The following L3MBTL4 variants were observed in gnomAD, a reference collection of about 807,000 sequenced individuals.
The protein encoded by L3MBTL4 is L3MBTL histone methyl-lysine binding protein 4, also known as lethal(3)malignant brain tumor-like protein 4.
A neutral mutation model predicts 84.5 loss-of-function variants in L3MBTL4; 70 were observed. That is an observed-to-expected ratio of 0.83 (90% CI 0.68 to 1.01). The LOEUF is 1.01. L3MBTL4 is among the 50% of genes least tolerant of loss of function. The pLI is 0.00. For missense variants in L3MBTL4, 715 were observed against 754.8 expected (o/e 0.95, Z 0.62); for synonymous variants, 274 against 259.8 (o/e 1.05, Z -0.52).
At chr18:5,961,770 C>T (rs2095264654) in intron 17 of L3MBTL4, among the ~76,000 whole-genome samples, 2 of 152,080 alleles carry the variant, frequency 1.3e-5, no homozygotes, top group African/African-American at 4.8e-5. Context: ...GTTTGTTGGG[C>T]TAATACAGTT....
At chr18:6,339,145 C>T (rs748108852) in intron 1 of L3MBTL4, among the ~76,000 whole-genome samples, 12 of 152,108 alleles carry the variant, frequency 7.9e-5, no homozygotes, top group South Asian at 4.2e-4. Flanking sequence ...CCACATGATG[C>T]GGTTCACAAG....
chr18:6,272,210 A>G (rs1298311775), intron 4 of L3MBTL4, among the ~76,000 whole-genome samples: 1 of 152,164 alleles, frequency 6.6e-6, no homozygotes, highest in Non-Finnish European at 1.5e-5. Context: ...AGCATTGGGA[A>G]CACAGGTAGG....
rs555013259 is a variant in L3MBTL4, at chr18:6,056,017, C to T, written c.1444+24864G>A. Among the ~76,000 whole-genome samples the T allele has an allele frequency of 2.8e-4, 43 of 152,154 alleles. No homozygotes were observed. The South Asian group carries it at 4.0e-3, about 14-fold the overall frequency. On this transcript the variant is annotated intron_variant, in intron 16 of 18. Transcript: ENST00000317931. ...TTGCACTGGTCAGCCAGGCGGAAAACGCCTCAGTGTTTCGGGGGGAGTGGT... is the reference window on the plus strand; with the variant it reads ...TTGCACTGGTCAGCCAGGCGGAAAATGCCTCAGTGTTTCGGGGGGAGTGGT...
At chr18:6,331,191 G>GT (rs58046163) in intron 1 of L3MBTL4, among the ~76,000 whole-genome samples, 41,843 of 152,054 alleles carry the variant, frequency 0.28, 7,565 homozygotes, top group African/African-American at 0.52. Flanking sequence ...TAAATGCATG[G>GT]TTTGAGATAG....
chr18:6,215,142 C>T (rs1050034655), intron 11 of L3MBTL4, among the ~76,000 whole-genome samples: 4 of 152,050 alleles, frequency 2.6e-5, no homozygotes, highest in African/African-American at 7.2e-5. Context: ...ACATGAAACA[C>T]ACAGAGAACT....
intron 5 of L3MBTL4, among the ~76,000 whole-genome samples, chr18:6,257,664 T>TA (rs1555705649): frequency 0.012 from 1,803 of 147,592 alleles, 42 homozygotes; most frequent in African/African-American, 0.043. Context: ...TTTTTTTTTT[T>TA]AAATGGAGTT....
chr18:6,132,262 G>A (rs548346500), intron 14 of L3MBTL4, among the ~76,000 whole-genome samples: 3 of 152,130 alleles, frequency 2.0e-5, no homozygotes, highest in East Asian at 1.9e-4. Context: ...TTTATAAAAC[G>A]CAAGGTCGAG....
chr18:6,121,974 C>G (rs911070555), intron 14 of L3MBTL4, among the ~76,000 whole-genome samples: 2 of 152,060 alleles, frequency 1.3e-5, no homozygotes, highest in African/African-American at 4.8e-5. Flanking sequence ...GCATATACAT[C>G]CGGGAATAGG....
chr18:6,117,304 C>T (rs1336957761), intron 14 of L3MBTL4, among the ~76,000 whole-genome samples: 6 of 152,098 alleles, frequency 3.9e-5, no homozygotes, highest in Non-Finnish European at 8.8e-5. Flanking sequence ...GATTGGGTGG[C>T]AATTATTTTT....
intron 1 of L3MBTL4, among the ~76,000 whole-genome samples, chr18:6,402,194 G>A (rs527558043): frequency 6.6e-6 from 1 of 152,236 alleles, no homozygotes; most frequent in African/African-American, 2.4e-5. Flanking sequence ...GTACCTCGGG[G>A]AGCTATATAC....
intron 4 of L3MBTL4, among the ~76,000 whole-genome samples, chr18:6,275,390 A>G (rs2049038012): frequency 1.3e-5 from 2 of 152,220 alleles, no homozygotes; most frequent in Admixed American, 6.5e-5. Flanking sequence ...AGTTAGCTAG[A>G]AAGACATCAG....
chr18:6,149,141 G>A (rs566642332), intron 13 of L3MBTL4, among the ~76,000 whole-genome samples: 10 of 151,456 alleles, frequency 6.6e-5, no homozygotes, highest in South Asian at 2.1e-4. Flanking sequence ...TTGGTGTGCC[G>A]CACCTATCAA....
chr18:6,160,314 G>C (rs553399986), intron 13 of L3MBTL4, among the ~76,000 whole-genome samples: 2 of 152,282 alleles, frequency 1.3e-5, no homozygotes, highest in South Asian at 2.1e-4. Context: ...AGGAGTGTTC[G>C]GAGTCAGTGT....
In L3MBTL4 at chr18:6,311,612, T is replaced by C. The variant is rs1429611230; in HGVS notation, c.14A>G (p.Asn5Ser). The C allele has an allele frequency of 1.2e-6, 2 of 1,613,766 alleles. No individual in the cohort carries two copies. Among genetic ancestry groups the C allele is most frequent in the Non-Finnish European group, 8.5e-7 (1 of 1,179,814 alleles). ...ATCCATATTAAGCTTCCTTTTCCTG[T>C]TGGGCTGTTTCATTGCCACCCCCGC... MKQP[N>S]RKRKLNMDSK... is the part of the protein sequence containing the mutation. Residue 5 changes from asparagine (N) to serine (S), a missense_variant, in exon 3 of 19, where the codon AAC (asparagine) becomes AGC (serine). Transcript: ENST00000317931.
At chr18:5,971,572 A>G (rs531795127) in intron 16 of L3MBTL4, among the ~76,000 whole-genome samples, 1 of 152,366 alleles carries the variant, frequency 6.6e-6, no homozygotes, top group East Asian at 1.9e-4. Flanking sequence ...ATGTCAAGTG[A>G]TGGTGATTAG....
chr18:6,340,728 C>T (rs1354286586), intron 1 of L3MBTL4, among the ~76,000 whole-genome samples: 2 of 152,060 alleles, frequency 1.3e-5, no homozygotes, highest in South Asian at 2.1e-4. Context: ...TTGACCCACA[C>T]CACTGGCACA....
chr18:6,403,611 T>A (rs1010801583), intron 1 of L3MBTL4, among the ~76,000 whole-genome samples: 1 of 152,256 alleles, frequency 6.6e-6, no homozygotes, highest in African/African-American at 2.4e-5. Flanking sequence ...GCACACTATA[T>A]ATTCACTTTT....
chr18:6,384,462 G>A (rs2054730225), intron 1 of L3MBTL4, among the ~76,000 whole-genome samples: 1 of 152,154 alleles, frequency 6.6e-6, no homozygotes, highest in South Asian at 2.1e-4. Flanking sequence ...GTGGAAGGCA[G>A]ACACTTTTCT....
chr18:6,238,519 C>A (rs936771745), intron 9 of L3MBTL4, among the ~76,000 whole-genome samples: 1 of 151,736 alleles, frequency 6.6e-6, no homozygotes, highest in African/African-American at 2.4e-5. Flanking sequence ...GGCAACAGAG[C>A]GAGATTCCAT....
Sources: allele counts gnomAD v4.1 joint callset (sites outside exome capture counted in the v4.1 genomes callset), GRCh38; gene constraint gnomAD v4.1.1; transcripts MANE v1.5; gene names NCBI Gene and HGNC (gene_info 2026-07-23, HGNC 2026-07-21).